EHF: variants seen among roughly 807,000 people sequenced by gnomAD.
The protein encoded by EHF is ETS homologous factor.
In EHF, 14 loss-of-function variants were observed where a neutral mutation model predicts 45.1. That is an observed-to-expected ratio of 0.31 (90% CI 0.21 to 0.49). The LOEUF is 0.49. Among genes scored for constraint, EHF ranks in the 20% least tolerant of loss-of-function variants. The pLI is 0.99. For missense variants in EHF, 282 were observed against 371.4 expected, an observed-to-expected ratio of 0.76 and a Z score of 1.98; for synonymous variants, 136 against 131.8, an observed-to-expected ratio of 1.03 and a Z score of -0.22.
rs1855958483 is a variant in EHF at position 34,659,572 on chromosome 11, A to G, written c.*641A>G. 3 of 152,196 alleles carry G rather than the reference A, an allele frequency of 2.0e-5. No homozygotes were observed. Among genetic ancestry groups the G allele is most frequent in the Non-Finnish European group, 4.4e-5 (3 of 68,070 alleles). The allele number at this position is 152,196 out of a possible 1,614,324, so 9.4% of individuals were successfully genotyped here. The stretch of plus-strand genomic sequence containing the variant: ...CAAGAAGAATAATGGTGGGGTCTTT[A>G]TACTCATTCAGGAATGGTTTATCTG... On this transcript the variant is annotated 3_prime_UTR_variant, in exon 9 of 9. Transcript: ENST00000257831.
chr11:34,644,514 G>A (rs781444848), intron 2 of EHF, among the ~76,000 whole-genome samples: 3 of 152,168 alleles, frequency 2.0e-5, no homozygotes, highest in Non-Finnish European at 2.9e-5. Flanking sequence ...CTTTTGTTTC[G>A]CCATGAGGTA....
intron 1 of EHF, among the ~76,000 whole-genome samples, chr11:34,630,157 AG>A (rs1453045721): frequency 6.6e-6 from 1 of 152,224 alleles, no homozygotes; most frequent in Non-Finnish European, 1.5e-5. Flanking sequence ...TGAAATTAAA[AG>A]TATAACGTCC....
chr11:34,623,928 T>C (rs1301079639), intron 1 of EHF, among the ~76,000 whole-genome samples: 1 of 152,112 alleles, frequency 6.6e-6, no homozygotes, highest in East Asian at 1.9e-4. Context: ...TGAGAAGTTA[T>C]TGTCTTTTCT....
intron 2 of EHF, among the ~76,000 whole-genome samples, chr11:34,643,601 G>A (rs759942641): frequency 5.9e-5 from 9 of 152,350 alleles, no homozygotes; most frequent in South Asian, 2.1e-4. Flanking sequence ...ATTCTGCAGC[G>A]AGTGCTAATC....
At chr11:34,647,601 G>T (rs1303882993) in intron 3 of EHF, among the ~76,000 whole-genome samples, 8 of 152,312 alleles carry the variant, frequency 5.3e-5, no homozygotes, top group African/African-American at 1.9e-4. Context: ...ACTGGAAAAG[G>T]CATTTATGTC....
intron 1 of EHF, chr11:34,622,454 G>A: frequency 1.6e-6 from 2 of 1,250,928 alleles, no homozygotes; most frequent in Non-Finnish European, 2.1e-6. Flanking sequence ...GTGTAAAAGG[G>A]CAATTAGAGA....
chr11:34,639,616 C>A (rs1853782815), intron 1 of EHF, among the ~76,000 whole-genome samples: 1 of 152,244 alleles, frequency 6.6e-6, no homozygotes, highest in Non-Finnish European at 1.5e-5. Context: ...TCTTTCCCTG[C>A]AGCTCCCTGC....
At chr11:34,636,195 C>T (rs908349252) in intron 1 of EHF, among the ~76,000 whole-genome samples, 7 of 152,222 alleles carry the variant, frequency 4.6e-5, no homozygotes, top group Non-Finnish European at 8.8e-5. Flanking sequence ...TACTATGTGT[C>T]ATGCTTTTCC....
chr11:34,649,115 C>G (rs757422615), intron 4 of EHF, 34 bp downstream of exon 4: 2 of 1,609,154 alleles, frequency 1.2e-6, no homozygotes, highest in Admixed American at 3.3e-5. Flanking sequence ...GCCAACCTAG[C>G]CTGGCAAAGC....
intron 1 of EHF, among the ~76,000 whole-genome samples, chr11:34,621,608 T>C (rs1016583116): frequency 9.2e-5 from 14 of 152,226 alleles, no homozygotes; most frequent in African/African-American, 3.4e-4. Context: ...GTTGGCTAAG[T>C]AGCTGTTAGG....
chr11:34,622,846 C>T (rs1466209), intron 1 of EHF, among the ~76,000 whole-genome samples: 87,892 of 151,926 alleles, frequency 0.58, 26,120 homozygotes, highest in Non-Finnish European at 0.64. Flanking sequence ...GGAGACAATA[C>T]TTCACCGTGT....
intron 3 of EHF, among the ~76,000 whole-genome samples, chr11:34,647,838 C>T (rs1364423621): frequency 1.3e-5 from 2 of 152,340 alleles, no homozygotes; most frequent in East Asian, 3.9e-4. Context: ...TTTTCTTTGA[C>T]TAGAATCAAA....
intron 1 of EHF, among the ~76,000 whole-genome samples, chr11:34,637,546 C>T (rs914526349): frequency 6.6e-6 from 1 of 152,184 alleles, no homozygotes; most frequent in Non-Finnish European, 1.5e-5. Flanking sequence ...ATTGGCCAAG[C>T]CCCAGTGGCC....
intron 1 of EHF, among the ~76,000 whole-genome samples, chr11:34,633,407 G>C (rs566845725): frequency 2.6e-5 from 4 of 152,276 alleles, no homozygotes; most frequent in African/African-American, 9.6e-5. Context: ...AAAGGGAAGG[G>C]AGGCAAGTGG....
chr11:34,641,328 C>A (rs1853973622), intron 1 of EHF, among the ~76,000 whole-genome samples: 1 of 152,188 alleles, frequency 6.6e-6, no homozygotes, highest in Admixed American at 6.5e-5. Context: ...TAGTGCCCAG[C>A]CCATTATTGG....
chr11:34,649,151 C>G, intron 4 of EHF, 70 bp downstream of exon 4: 6 of 1,543,090 alleles, frequency 3.9e-6, no homozygotes, highest in Non-Finnish European at 5.3e-6. Context: ...TGGGAGAGGG[C>G]AAGAGAGAAT....
intron 1 of EHF, chr11:34,632,691 C>T: frequency 6.5e-7 from 1 of 1,533,810 alleles, no homozygotes; most frequent in East Asian, 2.4e-5. Flanking sequence ...TTGCCCGGCT[C>T]TCTCTGCTCT....
chr11:34,624,426 A>C (rs1418101273), intron 1 of EHF: 1 of 417,804 alleles, frequency 2.4e-6, no homozygotes, highest in Non-Finnish European at 3.2e-6. Flanking sequence ...AAAGGAGGGC[A>C]TAGATAATTA....
chr11:34,627,070 G>A (rs922625891), intron 1 of EHF, among the ~76,000 whole-genome samples: 1 of 151,908 alleles, frequency 6.6e-6, no homozygotes, highest in African/African-American at 2.4e-5. Context: ...GTGAGTTTCT[G>A]TTGGGTCAGA....
Sources: allele counts gnomAD v4.1 joint callset (sites outside exome capture counted in the v4.1 genomes callset), GRCh38; gene constraint gnomAD v4.1.1; transcripts MANE v1.5; gene names NCBI Gene and HGNC (gene_info 2026-07-23, HGNC 2026-07-21).